Variants in ADGRG6 observed in about 807,000 individuals in gnomAD.
ADGRG6 encodes the protein adhesion G protein-coupled receptor G6.
ADGRG6 carries 84 observed loss-of-function variants against 142.4 expected under a neutral mutation model. The observed-to-expected ratio is 0.59, with a 90% confidence interval of 0.49 to 0.71. The LOEUF is 0.71. ADGRG6 is among the 30% of genes least tolerant of loss of function. The pLI, the probability that ADGRG6 is intolerant of heterozygous loss-of-function variation, is 0.00. For synonymous variants in ADGRG6, 521 were observed against 520.5 expected, an observed-to-expected ratio of 1.00 and a Z score of -0.01; for missense variants, 1,367 against 1,466.6, an observed-to-expected ratio of 0.93 and a Z score of 1.11.
chr6:142,376,298 A>G (rs1345385746), intron 4 of ADGRG6, among the ~76,000 whole-genome samples: 1 of 152,050 alleles, frequency 6.6e-6, no homozygotes, highest in Admixed American at 6.6e-5. Context: ...ACTGATTACT[A>G]CTCTTTCCTG....
At position 142,438,199 on chromosome 6, in the gene ADGRG6, T is replaced by C; in HGVS notation, c.3422-13T>C. The C allele has an allele frequency of 7.4e-7, 1 of 1,347,538 alleles. No individual in the cohort carries two copies. The highest frequency in any genetic ancestry group is 1.0e-6 in the Non-Finnish European group (1 of 995,138). 83.5% of individuals were successfully genotyped at this position (1,347,538 alleles called of 1,614,324 possible). On this transcript the variant is annotated splice_polypyrimidine_tract_variant and intron_variant, in intron 23 of 24. Coordinates refer to ENST00000367609, the MANE Select transcript of ADGRG6 (RefSeq NM_198569.3). ...AAAGCAGATTGATAGGGTGATGTCATTTTTTTTTTCAGATTGGAGTAAGAC... is the reference window on the plus strand; with the variant it reads ...AAAGCAGATTGATAGGGTGATGTCACTTTTTTTTTCAGATTGGAGTAAGAC...
chr6:142,331,730 G>C (rs549548822), intron 2 of ADGRG6, among the ~76,000 whole-genome samples: 1 of 151,824 alleles, frequency 6.6e-6, no homozygotes, highest in Non-Finnish European at 1.5e-5. Context: ...TTTTGTAAAC[G>C]CTCTTTTTTT....
Position 142,408,185 on chromosome 6 carries a change from T to C in ADGRG6, c.2304T>C (p.Tyr768=), listed in dbSNP as rs779727020. The part of the protein sequence containing the change: ...VGPQRKTLVS[Y]VMACSIGNIT... ...CCCAAAGAAAAACTTTAGTGAGTTA[T>C]GTGATGGCGTGCAGTATTGGAAACA... Residue 768 remains tyrosine, a synonymous_variant, in exon 16 of 25, where the codon TAT becomes TAC. Transcript: ENST00000367609. 6.9e-6 allele frequency: 11 copies of C among 1,589,478 alleles called. No individual in the cohort carries two copies. The highest frequency in any genetic ancestry group is 9.4e-6 in the Non-Finnish European group (11 of 1,165,220).
At chr6:142,376,925 G>T (rs893845282) in intron 4 of ADGRG6, among the ~76,000 whole-genome samples, 16 of 152,166 alleles carry the variant, frequency 1.1e-4, no homozygotes, top group African/African-American at 3.6e-4. Context: ...TATGAGAGGA[G>T]CAGTGGGCTA....
intron 14 of ADGRG6, among the ~76,000 whole-genome samples, chr6:142,405,015 G>T (rs1008480247): frequency 2.6e-5 from 4 of 152,210 alleles, no homozygotes; most frequent in Admixed American, 2.0e-4. Flanking sequence ...GGAGAGTATA[G>T]TATGTGAAGC....
At chr6:142,319,577 T>C (rs1424403479) in intron 2 of ADGRG6, among the ~76,000 whole-genome samples, 3 of 152,172 alleles carry the variant, frequency 2.0e-5, no homozygotes, top group Non-Finnish European at 2.9e-5. Context: ...TTTTTGTTTC[T>C]CATTTAAATC....
intron 2 of ADGRG6, among the ~76,000 whole-genome samples, chr6:142,356,313 A>C (rs1042907207): frequency 6.6e-6 from 1 of 152,194 alleles, no homozygotes; most frequent in African/African-American, 2.4e-5. Context: ...ATTCTAAGCC[A>C]GCAATATTCA....
chr6:142,315,504 A>C (rs1054404560), intron 2 of ADGRG6, among the ~76,000 whole-genome samples: 1 of 152,248 alleles, frequency 6.6e-6, no homozygotes, highest in East Asian at 1.9e-4. Flanking sequence ...TTAATCCCAC[A>C]ATGAGGATCA....
At position 142,302,340 on chromosome 6, in the gene ADGRG6, C is replaced by T. The variant is rs375815890; in HGVS notation, c.2+9C>T. On this transcript the variant is annotated intron_variant, in intron 1 of 24. Coordinates refer to ENST00000367609, the MANE Select transcript of ADGRG6 (RefSeq NM_198569.3). ...CGCAGTAATGTCAACATGTAAGTCT[C>T]ACCTTTCAGCTTGGAATTCCTTCAC... The T allele has an allele frequency of 1.9e-6, 3 of 1,612,670 alleles. No homozygotes were observed. The highest frequency in any genetic ancestry group is 2.7e-5 in the African/African-American group (2 of 74,998).
intron 2 of ADGRG6, among the ~76,000 whole-genome samples, chr6:142,331,337 G>C (rs1010468052): frequency 6.6e-6 from 1 of 152,024 alleles, no homozygotes; most frequent in Admixed American, 6.6e-5. Context: ...AGTGAAAAGA[G>C]CTGTGTCTTT....
chr6:142,340,363 T>C (rs1270147691), intron 2 of ADGRG6, among the ~76,000 whole-genome samples: 2 of 152,124 alleles, frequency 1.3e-5, no homozygotes, highest in East Asian at 1.9e-4. Flanking sequence ...TCAAGACTTA[T>C]TATTCAAGGT....
chr6:142,356,012 G>C (rs764496239), intron 2 of ADGRG6, among the ~76,000 whole-genome samples: 55 of 152,196 alleles, frequency 3.6e-4, no homozygotes, highest in Non-Finnish European at 6.5e-4. Flanking sequence ...GCTGTCTCTT[G>C]TACATAACCT....
chr6:142,441,010 A>G, intron 24 of ADGRG6: 1 of 783,420 alleles, frequency 1.3e-6, no homozygotes, highest in Non-Finnish European at 2.0e-6. Flanking sequence ...ATAAGAGAAT[A>G]TGTGCATGGA....
At chr6:142,406,134 T>TAAAG in intron 15 of ADGRG6, among the ~76,000 whole-genome samples, 1 of 152,144 alleles carries the variant, frequency 6.6e-6, no homozygotes, top group African/African-American at 2.4e-5. Flanking sequence ...AAATATTTTA[T>TAAAG]GCTCTCCAAT....
intron 2 of ADGRG6, among the ~76,000 whole-genome samples, chr6:142,310,209 A>G (rs1035145260): frequency 2.6e-5 from 4 of 151,870 alleles, no homozygotes; most frequent in Non-Finnish European, 4.4e-5. Flanking sequence ...TGAACTTTGA[A>G]ATAAGATCTT....
rs186393156 is a variant in ADGRG6 at position 142,394,847 on chromosome 6, C to A, written c.1424+889C>A. Among the ~76,000 whole-genome samples the A allele has an allele frequency of 2.6e-5, 4 of 152,198 alleles. No homozygotes were observed. The East Asian group carries it at 7.7e-4, about 29-fold the overall frequency. ...AGTAAACCTCCTGTCTCAGCCCCCC[C>A]CAGAGTGCTGGGATTACATGTACAG... On this transcript the variant is annotated intron_variant, in intron 9 of 24. Transcript: ENST00000367609.
chr6:142,322,569 T>C (rs1778570047), intron 2 of ADGRG6, among the ~76,000 whole-genome samples: 1 of 152,134 alleles, frequency 6.6e-6, no homozygotes, highest in Admixed American at 6.6e-5. Flanking sequence ...CCTTGAGAGC[T>C]TCTTTCCCCC....
At chr6:142,442,964 T>C (rs553333080) in intron 24 of ADGRG6, among the ~76,000 whole-genome samples, 2 of 152,182 alleles carry the variant, frequency 1.3e-5, no homozygotes, top group African/African-American at 4.8e-5. Flanking sequence ...TTAGATATAA[T>C]TTCTTCCACA....
intron 14 of ADGRG6, among the ~76,000 whole-genome samples, chr6:142,404,781 A>G (rs1775712840): frequency 6.6e-6 from 1 of 152,212 alleles, no homozygotes; most frequent in Non-Finnish European, 1.5e-5. Context: ...CAAGTTCCTT[A>G]GACATTGCTG....
Sources: gnomAD v4.1 joint callset for allele counts (sites outside exome capture counted in the v4.1 genomes callset) on GRCh38, gnomAD v4.1.1 for gene constraint, MANE v1.5 for transcripts, NCBI Gene and HGNC (gene_info 2026-07-23, HGNC 2026-07-21) for gene names.